ADAMTS17: variants seen among roughly 807,000 people sequenced by gnomAD.
ADAMTS17 encodes the protein ADAM metallopeptidase with thrombospondin type 1 motif 17.
ADAMTS17 carries 113 observed loss-of-function variants against 141.5 expected under a neutral mutation model. The observed-to-expected ratio is 0.80, with a 90% CI of 0.69 to 0.93. The LOEUF (loss-of-function observed/expected upper bound fraction) is 0.93. Ranked by LOEUF, ADAMTS17 falls within the 40% of genes least tolerant of loss-of-function variation. The pLI is 0.00. For missense variants in ADAMTS17, 1,659 were observed against 1,517.9 expected (o/e 1.09, Z -1.54); for synonymous variants, 768 against 630.6 (o/e 1.22, Z -3.27).
At chr15:100,024,301 G>T (rs899357792) in intron 18 of ADAMTS17, among the ~76,000 whole-genome samples, 6 of 152,142 alleles carry the variant, frequency 3.9e-5, no homozygotes, top group African/African-American at 1.4e-4. Context: ...TCATTTTGTT[G>T]CCCTGGCTGG....
chr15:100,249,573 T>A (rs1257131072), intron 7 of ADAMTS17, among the ~76,000 whole-genome samples: 1 of 152,186 alleles, frequency 6.6e-6, no homozygotes, highest in African/African-American at 2.4e-5. Flanking sequence ...GCCTTGCCAC[T>A]AACTTCTATG....
rs576074264 is a variant in ADAMTS17 at position 100,184,991 on chromosome 15, T to G, written c.1181+14327A>C. Among the ~76,000 whole-genome samples, 9 of 152,354 alleles carry G rather than the reference T, an allele frequency of 5.9e-5. No homozygotes were observed. The East Asian group carries it at 1.5e-3, about 26-fold the overall frequency. The stretch of plus-strand genomic sequence containing the variant: ...CTCCAAATTCAGACATGCTCCTCAG[T>G]GACCATTCTATTTTCCTGGGCCAAG... On this transcript the variant is annotated intron_variant, in intron 8 of 21. Transcript: ENST00000268070.
intron 10 of ADAMTS17, among the ~76,000 whole-genome samples, chr15:100,133,681 G>A (rs1452378178): frequency 6.6e-6 from 1 of 152,172 alleles, no homozygotes; most frequent in African/African-American, 2.4e-5. Flanking sequence ...GTGAGGGGCT[G>A]TCTAGGGGAC....
chr15:100,226,463 T>C (rs916742489), intron 7 of ADAMTS17, among the ~76,000 whole-genome samples: 1 of 152,254 alleles, frequency 6.6e-6, no homozygotes, highest in Non-Finnish European at 1.5e-5. Flanking sequence ...GAAGCACAAC[T>C]GTATACCATC....
rs77968360 is a variant in ADAMTS17, at chr15:100,274,803, T to A, written c.789+6426A>T. ...TTAGCTGATTTGATTTTCTTTTATA[T>A]GTATACATATATTTTTTTTTGGTAG... On this transcript the variant is annotated intron_variant, in intron 4 of 21. Transcript: ENST00000268070. Among the ~76,000 whole-genome samples the A allele has an allele frequency of 1.6e-3, 240 of 152,272 alleles. 1 individual carries two copies. Among genetic ancestry groups the A allele is most frequent in the Middle Eastern group, 0.01 (3 of 294 alleles).
chr15:100,335,377 C>T (rs949274921), intron 2 of ADAMTS17, among the ~76,000 whole-genome samples: 2 of 152,168 alleles, frequency 1.3e-5, no homozygotes, highest in Non-Finnish European at 2.9e-5. Flanking sequence ...GACAATGGGG[C>T]CTCGGTGACT....
At chr15:100,035,678 G>A (rs1010088314) in intron 18 of ADAMTS17, among the ~76,000 whole-genome samples, 13 of 152,050 alleles carry the variant, frequency 8.5e-5, no homozygotes, top group African/African-American at 2.4e-4. Flanking sequence ...GCGGGTCTGC[G>A]TGGTTCCAGA....
At chr15:100,021,557 G>A (rs551935005) in intron 18 of ADAMTS17, among the ~76,000 whole-genome samples, 2 of 152,262 alleles carry the variant, frequency 1.3e-5, no homozygotes, top group Non-Finnish European at 2.9e-5. Flanking sequence ...AACTTTCGAC[G>A]GCTCCCTAGT....
At chr15:100,262,200 C>T in intron 5 of ADAMTS17, 152 bp downstream of exon 5, 3 of 721,416 alleles carry the variant, frequency 4.2e-6, no homozygotes, top group Non-Finnish European at 7.2e-6. Flanking sequence ...GCTTCCGGTA[C>T]TGATGCCGGC....
At chr15:100,295,010 G>A (rs2044761449) in intron 3 of ADAMTS17, among the ~76,000 whole-genome samples, 1 of 152,114 alleles carries the variant, frequency 6.6e-6, no homozygotes, top group Non-Finnish European at 1.5e-5. Context: ...CCTGCCCCCA[G>A]CCACACCAGT....
rs765739064 is a variant in ADAMTS17 at position 100,341,938 on chromosome 15, G to C, written c.-39C>G. 2.6e-6 allele frequency: 4 copies of C among 1,546,962 alleles called. No homozygotes were observed. The South Asian group carries it at 4.8e-5, about 18-fold the overall frequency. On this transcript the variant is annotated 5_prime_UTR_variant, in exon 1 of 22. Transcript: ENST00000268070. ...GGCAGCCCCCCCGGACCGTGGCGGCGAAGCAGGAGCGCGCTAGGCGGCGGC... is the reference window on the plus strand; with the variant it reads ...GGCAGCCCCCCCGGACCGTGGCGGCCAAGCAGGAGCGCGCTAGGCGGCGGC...
chr15:100,107,295 G>A (rs369059243), intron 14 of ADAMTS17, among the ~76,000 whole-genome samples: 24 of 152,234 alleles, frequency 1.6e-4, no homozygotes, highest in African/African-American at 5.3e-4. Flanking sequence ...TGTCCGCATG[G>A]GCAAGTGGAC....
intron 3 of ADAMTS17, among the ~76,000 whole-genome samples, chr15:100,307,913 T>A (rs1055493857): frequency 6.6e-6 from 1 of 152,178 alleles, no homozygotes; most frequent in Admixed American, 6.5e-5. Flanking sequence ...TCATCACAAA[T>A]CTGCCCTAGA....
At chr15:100,038,407 TG>T (rs1406338850) in intron 18 of ADAMTS17, among the ~76,000 whole-genome samples, 1 of 152,250 alleles carries the variant, frequency 6.6e-6, no homozygotes, top group East Asian at 1.9e-4. Context: ...GGAAGAAAGA[TG>T]GCTTAAATTT....
At chr15:100,226,879 C>T (rs1472911209) in intron 7 of ADAMTS17, among the ~76,000 whole-genome samples, 1 of 152,162 alleles carries the variant, frequency 6.6e-6, no homozygotes, top group Non-Finnish European at 1.5e-5. Context: ...TACACAATTG[C>T]TAATAATCAA....
intron 2 of ADAMTS17, chr15:100,339,173 C>A: frequency 1.0e-6 from 1 of 985,430 alleles, no homozygotes; most frequent in Non-Finnish European, 1.2e-6. Context: ...AAGCACAGCA[C>A]CCTCACATGG....
intron 10 of ADAMTS17, among the ~76,000 whole-genome samples, chr15:100,151,740 C>T (rs905512318): frequency 6.6e-6 from 1 of 152,202 alleles, no homozygotes; most frequent in Admixed American, 6.5e-5. Context: ...ACCACAGGCT[C>T]CTGGCCTTCC....
chr15:100,094,020 A>G (rs939087545), intron 15 of ADAMTS17, among the ~76,000 whole-genome samples: 2 of 151,956 alleles, frequency 1.3e-5, no homozygotes, highest in African/African-American at 4.8e-5. Flanking sequence ...TACTGCAGGC[A>G]GATTTTCAAT....
intron 9 of ADAMTS17, among the ~76,000 whole-genome samples, chr15:100,153,126 C>T (rs947022226): frequency 6.6e-6 from 1 of 152,058 alleles, no homozygotes; most frequent in East Asian, 1.9e-4. Flanking sequence ...TGAGCAAAAA[C>T]TATCATGAAT....
Sources: gnomAD v4.1 joint callset for allele counts (sites outside exome capture counted in the v4.1 genomes callset) on GRCh38, gnomAD v4.1.1 for gene constraint, MANE v1.5 for transcripts, NCBI Gene and HGNC (gene_info 2026-07-23, HGNC 2026-07-21) for gene names.